Variants in GRM5 observed in about 807,000 individuals in gnomAD.
GRM5 encodes the protein glutamate metabotropic receptor 5, also known as metabotropic glutamate receptor 5.
A neutral mutation model predicts 83.1 loss-of-function variants in GRM5; 19 were observed. The observed-to-expected ratio is 0.23, with a 90% CI of 0.16 to 0.34. The LOEUF is 0.34. Ranked by LOEUF, GRM5 falls within the 10% of genes least tolerant of loss-of-function variation. The pLI, the probability that GRM5 is intolerant of heterozygous loss-of-function variation, is 1.00. For missense variants in GRM5, 1,160 were observed against 1,588.3 expected, an observed-to-expected ratio of 0.73 and a Z score of 4.58; for synonymous variants, 675 against 633.6, an observed-to-expected ratio of 1.07 and a Z score of -0.98.
At chr11:88,781,127 GTATA>G (rs59273026) in intron 3 of GRM5, among the ~76,000 whole-genome samples, 7,350 of 145,300 alleles carry the variant, frequency 0.051, 514 homozygotes, top group African/African-American at 0.15. Flanking sequence ...ACATATATAT[GTATA>G]TATATATATA....
At chr11:88,679,404 G>A (rs1940418568) in intron 3 of GRM5, among the ~76,000 whole-genome samples, 1 of 152,108 alleles carries the variant, frequency 6.6e-6, no homozygotes, top group South Asian at 2.1e-4. Context: ...TATTCAAGTA[G>A]AAACATTACA....
intron 1 of GRM5, among the ~76,000 whole-genome samples, chr11:89,052,310 G>A (rs1236700997): frequency 6.6e-6 from 1 of 152,030 alleles, no homozygotes; most frequent in East Asian, 1.9e-4. Context: ...TATTGCAAAG[G>A]TACAGCTAAA....
At chr11:88,734,471 G>T (rs72643312) in intron 3 of GRM5, among the ~76,000 whole-genome samples, 16,992 of 151,866 alleles carry the variant, frequency 0.11, 1,987 homozygotes, top group African/African-American at 0.3. Context: ...AGCATTGTAA[G>T]GAAGATCTCA....
chr11:88,991,206 T>C (rs1939955749), intron 2 of GRM5, among the ~76,000 whole-genome samples: 1 of 152,086 alleles, frequency 6.6e-6, no homozygotes, highest in Admixed American at 6.5e-5. Flanking sequence ...ACAAGCATTC[T>C]TATACACCAA....
At chr11:88,630,276 C>T (rs1938926296) in intron 4 of GRM5, among the ~76,000 whole-genome samples, 1 of 152,082 alleles carries the variant, frequency 6.6e-6, no homozygotes, top group East Asian at 1.9e-4. Flanking sequence ...AATGTATGTT[C>T]CACGAAGGCA....
At chr11:88,727,300 A>G (rs774614428) in intron 3 of GRM5, among the ~76,000 whole-genome samples, 10 of 152,218 alleles carry the variant, frequency 6.6e-5, no homozygotes, top group Non-Finnish European at 1.0e-4. Context: ...AGGGCATTAT[A>G]TAATGGTAAC....
intron 7 of GRM5, among the ~76,000 whole-genome samples, chr11:88,579,443 A>G (rs1283771208): frequency 6.6e-6 from 1 of 152,198 alleles, no homozygotes; most frequent in Admixed American, 6.5e-5. Flanking sequence ...ATGAGGTGAT[A>G]TAAGAGGTAG....
chr11:88,794,972 A>G (rs1035137340), intron 3 of GRM5, among the ~76,000 whole-genome samples: 1 of 152,234 alleles, frequency 6.6e-6, no homozygotes, highest in Non-Finnish European at 1.5e-5. Context: ...GATCTATTAC[A>G]TAAGAAAGAA....
At chr11:88,617,532 C>T (rs566533722) in intron 4 of GRM5, among the ~76,000 whole-genome samples, 1 of 152,300 alleles carries the variant, frequency 6.6e-6, no homozygotes, top group African/African-American at 2.4e-5. Flanking sequence ...AAGAAAATGA[C>T]ACCCTACAAA....
intron 2 of GRM5, among the ~76,000 whole-genome samples, chr11:88,936,556 T>C (rs1460599268): frequency 1.3e-5 from 2 of 151,828 alleles, no homozygotes; most frequent in African/African-American, 2.4e-5. Flanking sequence ...AAATAAAGTA[T>C]CTTTTAACAT....
chr11:89,005,414 T>C (rs1441428341), intron 2 of GRM5, among the ~76,000 whole-genome samples: 1 of 152,184 alleles, frequency 6.6e-6, no homozygotes, highest in African/African-American at 2.4e-5. Flanking sequence ...ATATCCAATT[T>C]GTCAAGCTAG....
chr11:88,612,738 A>C (rs1183292867), intron 4 of GRM5: 1 of 151,960 alleles, frequency 6.6e-6, no homozygotes, highest in Admixed American at 6.6e-5. Context: ...GCATTTCTTC[A>C]TGTGTTTTTT....
At chr11:88,796,945 G>A (rs2701354) in intron 3 of GRM5, among the ~76,000 whole-genome samples, 2 of 147,470 alleles carry the variant, frequency 1.4e-5, no homozygotes, top group South Asian at 4.4e-4. Flanking sequence ...TGTGTGTACA[G>A]AAACAAGCAT....
Position 89,001,772 on chromosome 11 carries a change from G to T in GRM5, c.661+45440C>A, listed in dbSNP as rs12226214. 2.0e-5 allele frequency among the ~76,000 whole-genome samples: 3 copies of T among 152,020 alleles called. No homozygotes were observed. In the East Asian group the frequency reaches 5.8e-4, roughly 29 times the overall value. On this transcript the variant is annotated intron_variant, in intron 2 of 9. Transcript: ENST00000305447. ...AGTCTACAATTATCTCAAAATAAAGGGTTTACTATAAAAGGGTCCTAACAT... is the reference window on the plus strand; with the variant it reads ...AGTCTACAATTATCTCAAAATAAAGTGTTTACTATAAAAGGGTCCTAACAT...
intron 4 of GRM5, among the ~76,000 whole-genome samples, chr11:88,642,582 T>G (rs1325218049): frequency 1.2e-4 from 19 of 152,174 alleles, no homozygotes. Context: ...AGTTCCAATT[T>G]TAGGTCATTT....
chr11:88,964,459 C>T (rs1293292216), intron 2 of GRM5, among the ~76,000 whole-genome samples: 1 of 151,968 alleles, frequency 6.6e-6, no homozygotes, highest in Non-Finnish European at 1.5e-5. Flanking sequence ...AGAACATGCA[C>T]ATTTTTAAAA....
chr11:88,864,401 G>A (rs1302843226), intron 2 of GRM5, among the ~76,000 whole-genome samples: 2 of 151,898 alleles, frequency 1.3e-5, no homozygotes, highest in Non-Finnish European at 1.5e-5. Flanking sequence ...GAACAAAGGT[G>A]TATTCTTAGG....
At chr11:88,759,520 G>A (rs1454456670) in intron 3 of GRM5, among the ~76,000 whole-genome samples, 1 of 152,124 alleles carries the variant, frequency 6.6e-6, no homozygotes, top group Non-Finnish European at 1.5e-5. Flanking sequence ...TCAACAAGAA[G>A]AGCTAACTAT....
In GRM5 at chr11:88,787,190, A is replaced by G. The variant is rs1270600233; in HGVS notation, c.911+62716T>C. Reference sequence around the variant, plus strand: ...GTGTGTGTGTCTTTTAAACCAGGACAATCAGAAAATGCCCCTCTGAAGAGA... The same window carrying G: ...GTGTGTGTGTCTTTTAAACCAGGACGATCAGAAAATGCCCCTCTGAAGAGA... On this transcript the variant is annotated intron_variant, in intron 3 of 9. Coordinates refer to ENST00000305447, the MANE Select transcript of GRM5 (RefSeq NM_001143831.3). Among the ~76,000 whole-genome samples, 13 of 150,782 alleles carry G rather than the reference A, an allele frequency of 8.6e-5. 1 individual carries two copies. In the Admixed American group the frequency reaches 8.6e-4, roughly 10 times the overall value.
Sources: allele counts gnomAD v4.1 joint callset (sites outside exome capture counted in the v4.1 genomes callset), GRCh38; gene constraint gnomAD v4.1.1; transcripts MANE v1.5; gene names NCBI Gene and HGNC (gene_info 2026-07-23, HGNC 2026-07-21).